The following CNTNAP2 variants were observed in gnomAD, a reference collection of about 807,000 sequenced individuals.
The protein encoded by CNTNAP2 is contactin associated protein 2.
Under a neutral mutation model 155.2 loss-of-function variants are expected in CNTNAP2, and 98 were observed. The observed-to-expected ratio is 0.63, with a 90% CI of 0.54 to 0.75. The LOEUF is 0.75. Among genes scored for constraint, CNTNAP2 ranks in the 30% least tolerant of loss-of-function variants. The pLI, the probability that CNTNAP2 is intolerant of heterozygous loss-of-function variation, is 0.00. For synonymous variants in CNTNAP2, 651 were observed against 631.2 expected (o/e 1.03, Z -0.47); for missense variants, 1,727 against 1,688.1 (o/e 1.02, Z -0.40).
At chr7:147,500,684 A>G (rs1173044989) in intron 11 of CNTNAP2, among the ~76,000 whole-genome samples, 2 of 152,240 alleles carry the variant, frequency 1.3e-5, no homozygotes, top group African/African-American at 4.8e-5. Flanking sequence ...AGATAGGTTC[A>G]TCAGACTCGG....
Position 147,903,810 on chromosome 7 carries a change from C to A in CNTNAP2, c.2255+89C>A. 19 of 1,480,576 alleles carry A rather than the reference C, an allele frequency of 1.3e-5. No individual in the cohort carries two copies. The South Asian group carries it at 2.3e-4, about 18-fold the overall frequency. The allele number at this position is 1,480,576 out of a possible 1,614,324, so 91.7% of individuals were successfully genotyped here. ...GTGATAGAAGAAAGTTTGAAAAGTG[C>A]TATAATAATACGATAATAGGGTAGA... On this transcript the variant is annotated intron_variant, in intron 14 of 23. Coordinates refer to ENST00000361727, the MANE Select transcript of CNTNAP2 (RefSeq NM_014141.6).
At chr7:148,373,134 G>T (rs992932563) in intron 21 of CNTNAP2, among the ~76,000 whole-genome samples, 4 of 152,024 alleles carry the variant, frequency 2.6e-5, no homozygotes, top group Admixed American at 6.6e-5. Flanking sequence ...TGAGGCTGTT[G>T]TACAATTACC....
intron 1 of CNTNAP2, among the ~76,000 whole-genome samples, chr7:146,584,206 A>T (rs1459705222): frequency 6.6e-6 from 1 of 152,234 alleles, no homozygotes. Flanking sequence ...ACAAACAAAC[A>T]AACAACAAAC....
chr7:146,123,085 C>T (rs969586013), intron 1 of CNTNAP2, among the ~76,000 whole-genome samples: 3 of 152,076 alleles, frequency 2.0e-5, no homozygotes, highest in Admixed American at 6.6e-5. Context: ...AAAGCCTCCC[C>T]TGATAGTAGG....
At chr7:147,643,772 G>T (rs1249605723) in intron 13 of CNTNAP2, among the ~76,000 whole-genome samples, 1 of 152,158 alleles carries the variant, frequency 6.6e-6, no homozygotes, top group African/African-American at 2.4e-5. Context: ...ACGCTCAAGA[G>T]TTCATTTGGG....
At chr7:146,134,989 C>G (rs1032923587) in intron 1 of CNTNAP2, among the ~76,000 whole-genome samples, 26 of 151,822 alleles carry the variant, frequency 1.7e-4, no homozygotes, top group South Asian at 4.2e-4. Flanking sequence ...AGGAATGGTA[C>G]CAGTTCCTCC....
At chr7:146,724,174 A>G (rs988358654) in intron 1 of CNTNAP2, among the ~76,000 whole-genome samples, 3 of 152,134 alleles carry the variant, frequency 2.0e-5, no homozygotes, top group Admixed American at 6.6e-5. Flanking sequence ...CTTATTGCCA[A>G]TTTGCTATCT....
At chr7:147,577,283 C>T (rs1188263030) in intron 12 of CNTNAP2, among the ~76,000 whole-genome samples, 2 of 152,050 alleles carry the variant, frequency 1.3e-5, no homozygotes, top group African/African-American at 4.8e-5. Context: ...TTTTGCTTTG[C>T]TCATTGCTTC....
chr7:147,925,154 A>AAG (rs1554450376), intron 14 of CNTNAP2, among the ~76,000 whole-genome samples: 12,638 of 61,684 alleles, frequency 0.2, 1,359 homozygotes, highest in East Asian at 0.46. Context: ...AGAGAGAGAG[A>AAG]GAAGGAAGGA....
intron 20 of CNTNAP2, among the ~76,000 whole-genome samples, chr7:148,255,698 A>G (rs1293297872): frequency 6.6e-6 from 1 of 152,256 alleles, no homozygotes; most frequent in African/African-American, 2.4e-5. Context: ...TAACAATGGC[A>G]TAATGACAAT....
intron 1 of CNTNAP2, among the ~76,000 whole-genome samples, chr7:146,203,337 A>C (rs914923450): frequency 2.0e-5 from 3 of 152,234 alleles, no homozygotes; most frequent in Admixed American, 2.0e-4. Flanking sequence ...AATCATTCCT[A>C]CAAACCCTTC....
intron 8 of CNTNAP2, among the ~76,000 whole-genome samples, chr7:147,222,711 G>T (rs952453830): frequency 1.3e-5 from 2 of 151,908 alleles, no homozygotes; most frequent in African/African-American, 4.8e-5. Flanking sequence ...TGGTGGTAAG[G>T]TATATGGGGA....
chr7:147,023,879 A>G (rs1203039437), intron 3 of CNTNAP2, among the ~76,000 whole-genome samples: 1 of 151,992 alleles, frequency 6.6e-6, no homozygotes, highest in Non-Finnish European at 1.5e-5. Flanking sequence ...TTCCCTCTAC[A>G]CTTGGTTTAC....
At chr7:147,996,421 A>G (rs768110633) in intron 15 of CNTNAP2, among the ~76,000 whole-genome samples, 1 of 152,234 alleles carries the variant, frequency 6.6e-6, no homozygotes, top group Non-Finnish European at 1.5e-5. Flanking sequence ...TCTGACAGGG[A>G]AAGTGTAGAA....
intron 1 of CNTNAP2, among the ~76,000 whole-genome samples, chr7:146,427,142 A>G (rs543158686): frequency 2.0e-5 from 3 of 152,318 alleles, no homozygotes; most frequent in Non-Finnish European, 4.4e-5. Flanking sequence ...GTGATCATTA[A>G]AAAGATTATT....
chr7:148,184,753 A>G (rs1795090926), intron 18 of CNTNAP2, among the ~76,000 whole-genome samples: 1 of 152,246 alleles, frequency 6.6e-6, no homozygotes, highest in African/African-American at 2.4e-5. Context: ...GTGGAACAAG[A>G]GTAACTTGAA....
intron 4 of CNTNAP2, among the ~76,000 whole-genome samples, chr7:147,084,021 G>A (rs1563070780): frequency 7.7e-6 from 1 of 130,230 alleles, no homozygotes; most frequent in African/African-American, 2.8e-5. Flanking sequence ...TGCTATATAT[G>A]TATATATAAT....
chr7:146,875,674 C>CG (rs113206384), intron 3 of CNTNAP2, among the ~76,000 whole-genome samples: 41,531 of 151,052 alleles, frequency 0.27, 6,180 homozygotes, highest in African/African-American at 0.37. Context: ...TTGCTTTTGG[C>CG]GGGGGGGCAA....
intron 8 of CNTNAP2, among the ~76,000 whole-genome samples, chr7:147,252,138 CAA>C (rs1175945370): frequency 6.6e-6 from 1 of 152,082 alleles, no homozygotes; most frequent in Non-Finnish European, 1.5e-5. Flanking sequence ...AAGCTGAATT[CAA>C]GATTCTCCCC....
Sources: gnomAD v4.1 joint callset for allele counts (sites outside exome capture counted in the v4.1 genomes callset) on GRCh38, gnomAD v4.1.1 for gene constraint, MANE v1.5 for transcripts, NCBI Gene and HGNC (gene_info 2026-07-23, HGNC 2026-07-21) for gene names.